The following ARNT variants were observed in gnomAD, a reference collection of about 807,000 sequenced individuals.
ARNT encodes class E basic helix-loop-helix protein 2.
Under a neutral mutation model 105.0 loss-of-function variants are expected in ARNT, and 30 were observed. The observed-to-expected ratio is 0.29, with a 90% CI of 0.21 to 0.39. The LOEUF (loss-of-function observed/expected upper bound fraction) is 0.39. ARNT is among the 10% of genes least tolerant of loss of function. ARNT has a pLI of 1.00. For missense variants in ARNT, 748 were observed against 978.7 expected, an observed-to-expected ratio of 0.76 and a Z score of 3.15; for synonymous variants, 304 against 344.0, an observed-to-expected ratio of 0.88 and a Z score of 1.29.
chr1:150,839,524 C>T lies in ARNT; in HGVS notation c.403G>A (p.Ala135Thr), dbSNP rs181961097. The T allele has an allele frequency of 6.2e-7, 1 of 1,614,198 alleles. No individual in the cohort carries two copies. The highest frequency in any genetic ancestry group is 1.3e-5 in the African/African-American group (1 of 75,052). ...KPDKLTILRM[A>T]VSHMKSLRGT... ...CGCAAGGACTTCATGTGAGAAACTGCCATGCGTAAGATGGTTAGCTTGTCT... is the reference window on the plus strand; with the variant it reads ...CGCAAGGACTTCATGTGAGAAACTGTCATGCGTAAGATGGTTAGCTTGTCT... Residue 135 changes from alanine to threonine, a missense_variant, in exon 6 of 22, where the codon GCA (alanine) becomes ACA (threonine). Ala to Thr is a moderately conservative substitution (Grantham distance 58). Transcript: ENST00000358595.
chr1:150,825,537 C>T (rs587772949), intron 13 of ARNT, among the ~76,000 whole-genome samples: 12 of 152,188 alleles, frequency 7.9e-5, no homozygotes, highest in African/African-American at 2.4e-4. Context: ...TAATTCATTA[C>T]GACTCTCACT....
At chr1:150,866,808 G>A (rs976531139) in intron 1 of ARNT, among the ~76,000 whole-genome samples, 10 of 152,108 alleles carry the variant, frequency 6.6e-5, no homozygotes, top group Non-Finnish European at 1.0e-4. Context: ...CTGGGGAAAT[G>A]AAAAACTGAA....
chr1:150,834,423 T>G (rs760825373), intron 8 of ARNT, 115 bp downstream of exon 8: 42 of 953,920 alleles, frequency 4.4e-5, no homozygotes, highest in Non-Finnish European at 6.9e-5. Flanking sequence ...TCCATCTGGG[T>G]ATGGAGAGTT....
intron 3 of ARNT, among the ~76,000 whole-genome samples, chr1:150,847,181 C>T (rs1479840937): frequency 6.6e-6 from 1 of 152,004 alleles, no homozygotes; most frequent in Non-Finnish European, 1.5e-5. Flanking sequence ...CCTGTAATCC[C>T]AGCACTTTGG....
intron 1 of ARNT, among the ~76,000 whole-genome samples, chr1:150,870,214 C>T (rs1293077804): frequency 6.6e-6 from 1 of 152,068 alleles, no homozygotes; most frequent in East Asian, 1.9e-4. Context: ...TAATACTTAC[C>T]TAATACGATT....
At chr1:150,871,972 T>C (rs1196881532) in intron 1 of ARNT, among the ~76,000 whole-genome samples, 3 of 150,970 alleles carry the variant, frequency 2.0e-5, no homozygotes, top group Admixed American at 6.6e-5. Flanking sequence ...CTTTTTTTGT[T>C]GGGGGACAGG....
intron 6 of ARNT, among the ~76,000 whole-genome samples, chr1:150,838,718 T>C (rs587663355): frequency 6.6e-6 from 1 of 152,324 alleles, no homozygotes; most frequent in African/African-American, 2.4e-5. Flanking sequence ...ATCATGTTAT[T>C]TTAATAACCA....
At chr1:150,832,306 C>G in intron 9 of ARNT, 28 bp downstream of exon 9, 1 of 1,613,210 alleles carries the variant, frequency 6.2e-7, no homozygotes. Context: ...TTGGCCATCC[C>G]TTTGGTTTTC....
chr1:150,814,695 T>C (rs1046861265), intron 19 of ARNT, among the ~76,000 whole-genome samples: 8 of 151,916 alleles, frequency 5.3e-5, no homozygotes, highest in Non-Finnish European at 7.4e-5. Flanking sequence ...ATACAAAAAT[T>C]AGCTGGGCAT....
At chr1:150,865,414 G>C (rs1311861047) in intron 1 of ARNT, among the ~76,000 whole-genome samples, 1 of 152,172 alleles carries the variant, frequency 6.6e-6, no homozygotes, top group African/African-American at 2.4e-5. Flanking sequence ...AAGGGAAAAA[G>C]CAGAAAACCA....
In ARNT at chr1:150,861,442, C is replaced by T. The variant is rs587756356; in HGVS notation, c.26-2982G>A. 12 of 265,798 alleles carry T rather than the reference C, an allele frequency of 4.5e-5. No individual in the cohort carries two copies. In the East Asian group the frequency reaches 9.4e-4, roughly 21 times the overall value. 16.5% of individuals were successfully genotyped at this position (265,798 alleles called of 1,614,324 possible). A position where few individuals can be genotyped will look rare whatever the true frequency, so the allele number is the denominator to read the frequency against. On this transcript the variant is annotated intron_variant, in intron 1 of 21. Transcript: ENST00000358595. ...TCTCAAAGAAACATTTGTATACCCA[C>T]GTTCACAGAAGTACTATTCAACAGT...
In ARNT at chr1:150,833,320, A is replaced by G. The variant is rs183876904; in HGVS notation, c.804-921T>C. Among the ~76,000 whole-genome samples, 435 of 152,228 alleles carry G rather than the reference A, an allele frequency of 2.9e-3. 2 individuals are homozygous for G. The highest frequency in any genetic ancestry group is 1.0e-2 in the African/African-American group (415 of 41,538). ...AGAGTTTGAGGCCAGCCTGGCCAAC[A>G]TGGTGAAACACTGTTTTACTAAAAA... On this transcript the variant is annotated intron_variant, in intron 8 of 21. Coordinates refer to ENST00000358595, the MANE Select transcript of ARNT (RefSeq NM_001668.4).
At chr1:150,854,143 T>A (rs753196380) in intron 2 of ARNT, among the ~76,000 whole-genome samples, 18 of 152,196 alleles carry the variant, frequency 1.2e-4, no homozygotes, top group Non-Finnish European at 2.5e-4. Context: ...TGGAGTACAG[T>A]GGCATGATCA....
chr1:150,845,663 G>A (rs1662059881), intron 4 of ARNT, among the ~76,000 whole-genome samples: 1 of 151,934 alleles, frequency 6.6e-6, no homozygotes, highest in Non-Finnish European at 1.5e-5. Context: ...CAGCACTTTG[G>A]GAGGCCGAGG....
At chr1:150,818,076 A>C in intron 14 of ARNT, 46 bp from the exon 15 acceptor site, 10 of 1,107,522 alleles carry the variant, frequency 9.0e-6, no homozygotes, top group East Asian at 3.1e-5. Flanking sequence ...AGAGGGAGGA[A>C]GGGGGGAGAG....
rs1162894423 is a variant in ARNT at position 150,811,040 on chromosome 1, T to C, written c.*981A>G. On this transcript the variant is annotated 3_prime_UTR_variant, in exon 22 of 22. Transcript: ENST00000358595. The stretch of plus-strand genomic sequence containing the variant: ...AATAACCTCTACAGAACACACATCA[T>C]ATGTGATTCTGACAGAAAAATGCAG... 1 of 231,394 alleles carries C rather than the reference T, an allele frequency of 4.3e-6. No individual in the cohort carries two copies. The highest frequency in any genetic ancestry group is 8.6e-6 in the Non-Finnish European group (1 of 116,634). 14.3% of individuals were successfully genotyped at this position (231,394 alleles called of 1,614,324 possible).
chr1:150,872,825 G>A (rs145164839), intron 1 of ARNT, among the ~76,000 whole-genome samples: 105 of 152,156 alleles, frequency 6.9e-4, no homozygotes, highest in African/African-American at 2.4e-3. Context: ...AGCCAGCCAC[G>A]GTGGTGCACA....
rs1407040981 is a variant in ARNT, at chr1:150,823,269, C to T, written c.1319G>A (p.Arg440Lys). 1 of 1,613,908 alleles carries T rather than the reference C, an allele frequency of 6.2e-7. No homozygotes were observed. Among genetic ancestry groups the T allele is most frequent in the African/African-American group, 1.3e-5 (1 of 74,918 alleles). ...GTTCTGGAAAGTAAAGGAGCTGGTT[C>T]TCATCCAGAGCCATTCTTGGTTCTT... ...RSKNQEWLWM[R>K]TSSFTFQNPY... The change falls in exon 14 of 22, where the codon AGA becomes AAA. Residue 440 changes from arginine (R) to lysine (K), a missense_variant. Transcript: ENST00000358595.
At chr1:150,821,365 T>G (rs1030112757) in intron 14 of ARNT, among the ~76,000 whole-genome samples, 1 of 152,214 alleles carries the variant, frequency 6.6e-6, no homozygotes, top group Non-Finnish European at 1.5e-5. Context: ...CTCAACACGA[T>G]GAAAAATATG....
Sources: allele counts gnomAD v4.1 joint callset (sites outside exome capture counted in the v4.1 genomes callset), GRCh38; gene constraint gnomAD v4.1.1; transcripts MANE v1.5; gene names NCBI Gene and HGNC (gene_info 2026-07-23, HGNC 2026-07-21).